Variants in CELA2A observed in about 807,000 individuals in gnomAD.
The protein encoded by CELA2A is chymotrypsin-like elastase family member 2A.
In CELA2A, 31 loss-of-function variants were observed where a neutral mutation model predicts 35.3. The ratio of observed to expected loss-of-function variants is 0.88; its 90% CI spans 0.66 to 1.19. The LOEUF is 1.19. Ranked by LOEUF, CELA2A falls within the 50% of genes most tolerant of loss-of-function variation. The pLI is 0.00. For missense variants in CELA2A, 330 were observed against 352.9 expected, an observed-to-expected ratio of 0.94 and a Z score of 0.52; for synonymous variants, 150 against 149.8, an observed-to-expected ratio of 1.00 and a Z score of -0.01.
chr1:15,468,849 G>GC (rs1446008319), intron 7 of CELA2A, among the ~76,000 whole-genome samples: 1 of 151,822 alleles, frequency 6.6e-6, no homozygotes, highest in African/African-American at 2.4e-5. Context: ...ATGGATACAC[G>GC]CAGCAGTAGG....
intron 5 of CELA2A, 135 bp from the exon 6 acceptor site, chr1:15,465,864 A>G: frequency 9.8e-7 from 1 of 1,018,134 alleles, no homozygotes; most frequent in South Asian, 1.4e-5. Context: ...GTGAGGACAC[A>G]GTATAGACAA....
rs901003403 is a variant in CELA2A, at chr1:15,461,916, T to C, written c.227+258T>C. 3 of 655,954 alleles carry C rather than the reference T, an allele frequency of 4.6e-6. No homozygotes were observed. The African/African-American group carries it at 5.3e-5, about 12-fold the overall frequency. The allele number at this position is 655,954 out of a possible 1,614,324, so 40.6% of individuals were successfully genotyped here. On this transcript the variant is annotated intron_variant, in intron 3 of 7. Coordinates refer to ENST00000359621, the MANE Select transcript of CELA2A (RefSeq NM_033440.3). Reference sequence around the variant, plus strand: ...AGGGGAAGGCCCAATCTCTGCCCTCTTGGGGAAACTACATGTGGCCTCTGG... The same window carrying C: ...AGGGGAAGGCCCAATCTCTGCCCTCCTGGGGAAACTACATGTGGCCTCTGG...
At chr1:15,464,716 C>T (rs950701953) in intron 5 of CELA2A, among the ~76,000 whole-genome samples, 26 of 152,152 alleles carry the variant, frequency 1.7e-4, no homozygotes, top group African/African-American at 5.8e-4. Flanking sequence ...GATACAAGCA[C>T]AACCTCCTGT....
intron 5 of CELA2A, 133 bp downstream of exon 5, chr1:15,463,655 G>A: frequency 7.2e-7 from 1 of 1,385,262 alleles, no homozygotes; most frequent in African/African-American, 1.4e-5. Context: ...GGCATAGGCT[G>A]ACGCCTGCCT....
rs1708516934 is a variant in CELA2A at position 15,466,273 on chromosome 1, A to G, written c.639+129A>G. 5.0e-6 allele frequency: 6 copies of G among 1,205,342 alleles called. No individual in the cohort carries two copies. The East Asian group carries it at 9.5e-5, about 19-fold the overall frequency. 74.7% of individuals were successfully genotyped at this position (1,205,342 alleles called of 1,614,324 possible). On this transcript the variant is annotated intron_variant, in intron 6 of 7. Coordinates refer to ENST00000359621, the MANE Select transcript of CELA2A (RefSeq NM_033440.3). ...AATTACCCCGAAACATGTTCCAGAT[A>G]TATCTTTGGCCAGGCACGGTGGCTC... is the stretch of plus-strand genomic sequence containing the variant.
At chr1:15,457,757 G>T (rs1330071658) in intron 2 of CELA2A, 1 of 152,598 alleles carries the variant, frequency 6.6e-6, no homozygotes, top group Non-Finnish European at 1.5e-5. Context: ...CCAATCAGAG[G>T]CTTGTTTACA....
At chr1:15,462,199 G>A (rs1374240654) in intron 3 of CELA2A, 15 of 469,606 alleles carry the variant, frequency 3.2e-5, no homozygotes, top group African/African-American at 1.0e-4. Flanking sequence ...GGAACTCACC[G>A]GAGTTTCTGC....
At chr1:15,459,947 C>CAAA (rs80212453) in intron 2 of CELA2A, among the ~76,000 whole-genome samples, 11 of 95,458 alleles carry the variant, frequency 1.2e-4, no homozygotes, top group African/African-American at 4.2e-4. Context: ...ATAGCCATCT[C>CAAA]AAAAAAAAAA....
Position 15,466,027 on chromosome 1 carries a change from G to T in CELA2A, c.522G>T (p.Gln174His). The T allele has an allele frequency of 6.2e-7, 1 of 1,614,182 alleles. No homozygotes were observed. Among genetic ancestry groups the T allele is most frequent in the Non-Finnish European group, 8.5e-7 (1 of 1,180,034 alleles). Residue 174 changes from glutamine (Q) to histidine (H), a missense_variant, in exon 6 of 8, where the codon CAG becomes CAT. Physicochemically the swap from Gln to His is conservative, Grantham distance 24. Transcript: ENST00000359621. The stretch of plus-strand genomic sequence containing the variant: ...ACGGGGCTGTTCCTGATGTCCTGCA[G>T]CAGGGCCGGTTGCTGGTTGTGGACT... Reference protein sequence around the residue: ...QTNGAVPDVLQQGRLLVVDYA... With the variant: ...QTNGAVPDVLHQGRLLVVDYA...
chr1:15,468,162 TA>T (rs1489600385), intron 7 of CELA2A, among the ~76,000 whole-genome samples: 3 of 151,592 alleles, frequency 2.0e-5, no homozygotes, highest in South Asian at 2.1e-4. Context: ...TATCTGTGTG[TA>T]GGCCCAGACT....
At chr1:15,462,294 A>T (rs7547591) in intron 3 of CELA2A, 27 of 460,706 alleles carry the variant, frequency 5.9e-5, no homozygotes, top group Non-Finnish European at 1.1e-4. Flanking sequence ...GGAAAATAAT[A>T]GAGGCCTACA....
intron 3 of CELA2A, 52 bp from the exon 4 acceptor site, chr1:15,462,681 C>T (rs3815786): frequency 0.25 from 403,318 of 1,605,340 alleles, 51,923 homozygotes; most frequent in Middle Eastern, 0.37. Flanking sequence ...CCAGCATTAT[C>T]CAAAGCCAGG....
At chr1:15,466,183 T>C (rs1278224012) in intron 6 of CELA2A, 39 bp downstream of exon 6, 1 of 1,608,874 alleles carries the variant, frequency 6.2e-7, no homozygotes, top group East Asian at 2.2e-5. Context: ...CATGACAAAA[T>C]GTGGCTGGGG....
chr1:15,468,338 G>A (rs1708549626), intron 7 of CELA2A, among the ~76,000 whole-genome samples: 1 of 152,122 alleles, frequency 6.6e-6, no homozygotes, highest in African/African-American at 2.4e-5. Flanking sequence ...TTTCCAGGAT[G>A]TGGGACTTCC....
Position 15,463,484 on chromosome 1 carries a change from A to G in CELA2A, c.455A>G (p.Asn152Ser), listed in dbSNP as rs781063879. 17 of 1,613,674 alleles carry G rather than the reference A, an allele frequency of 1.1e-5. No individual in the cohort carries two copies. The East Asian group carries it at 2.9e-4, about 28-fold the overall frequency. Residue 152 changes from asparagine (N) to serine (S), a missense_variant, in exon 5 of 8, where the codon AAC (asparagine) becomes AGC (serine). Transcript: ENST00000359621. ...CCTGCCGGCACCATTCTACCCAACA[A>G]CTACCCCTGCTACGTCACGGGCTGG... ...LPPAGTILPN[N>S]YPCYVTGWGR...
intron 2 of CELA2A, among the ~76,000 whole-genome samples, chr1:15,459,700 A>G (rs4661627): frequency 0.56 from 85,646 of 151,970 alleles, 25,255 homozygotes; most frequent in East Asian, 0.72. Context: ...TTAATCCATG[A>G]AGAGTCCCTA....
At chr1:15,456,856 T>C in intron 1 of CELA2A, 63 bp downstream of exon 1, 1 of 1,607,658 alleles carries the variant, frequency 6.2e-7, no homozygotes, top group Admixed American at 1.7e-5. Flanking sequence ...AATGGGATCT[T>C]CCTGTCCTCC....
chr1:15,459,497 G>T (rs1280277860), intron 2 of CELA2A, among the ~76,000 whole-genome samples: 11 of 152,026 alleles, frequency 7.2e-5, no homozygotes, highest in African/African-American at 2.4e-4. Context: ...GTGTGCTTTT[G>T]CCAGTTCTTT....
Position 15,456,870 on chromosome 1 carries a change from C to T in CELA2A, c.40+77C>T, listed in dbSNP as rs1570793645. The T allele has an allele frequency of 3.2e-6, 5 of 1,580,900 alleles. No individual in the cohort carries two copies. The East Asian group carries it at 1.1e-4, about 35-fold the overall frequency. On this transcript the variant is annotated intron_variant, in intron 1 of 7. Coordinates refer to ENST00000359621, the MANE Select transcript of CELA2A (RefSeq NM_033440.3). ...AAATGGGATCTTCCTGTCCTCCCCTCTCGCCCCCACCCAACCCCTACTGCA... is the reference window on the plus strand; with the variant it reads ...AAATGGGATCTTCCTGTCCTCCCCTTTCGCCCCCACCCAACCCCTACTGCA...
Sources: allele counts gnomAD v4.1 joint callset (sites outside exome capture counted in the v4.1 genomes callset), GRCh38; gene constraint gnomAD v4.1.1; transcripts MANE v1.5; gene names NCBI Gene and HGNC (gene_info 2026-07-23, HGNC 2026-07-21).